CCND2: variants seen among roughly 807,000 people sequenced by gnomAD.
The protein encoded by CCND2 is G1/S-specific cyclin-D2.
A neutral mutation model predicts 30.2 loss-of-function variants in CCND2; 6 were observed. The ratio of observed to expected loss-of-function variants is 0.20; its 90% CI spans 0.11 to 0.39. The LOEUF (loss-of-function observed/expected upper bound fraction) is 0.39. CCND2 is among the 10% of genes least tolerant of loss of function. The probability of loss-of-function intolerance (pLI) is 1.00; values close to 1 mark genes in which losing one functional copy is unlikely to be tolerated. For missense variants in CCND2, 235 were observed against 373.4 expected (o/e 0.63, Z 3.06); for synonymous variants, 150 against 153.1 (o/e 0.98, Z 0.15).
intron 3 of CCND2, among the ~76,000 whole-genome samples, chr12:4,281,233 G>T (rs1863943568): frequency 1.3e-5 from 2 of 152,208 alleles, no homozygotes; most frequent in East Asian, 3.8e-4. Context: ...GGCCTGTATC[G>T]AAAGAAGTTG....
At chr12:4,291,583 C>T (rs1001922231) in intron 4 of CCND2, among the ~76,000 whole-genome samples, 8 of 152,008 alleles carry the variant, frequency 5.3e-5, no homozygotes, top group African/African-American at 1.7e-4. Context: ...AAATTAAGAA[C>T]GTAAACAAAG....
chr12:4,305,242 T>C lies in CCND2; in HGVS notation c.*5233T>C. 4.3e-6 allele frequency: 1 copy of C among 232,516 alleles called. No individual in the cohort carries two copies. The highest frequency in any genetic ancestry group is 6.1e-5 in the East Asian group (1 of 16,410). 14.4% of individuals were successfully genotyped at this position (232,516 alleles called of 1,614,324 possible). A position where few individuals can be genotyped will look rare whatever the true frequency, so the allele number is the denominator to read the frequency against. On this transcript the variant is annotated 3_prime_UTR_variant, in exon 5 of 5. Transcript: ENST00000261254. This position sits in a 1 kb window ranked among gnomAD's most constrained non-coding sequence, Gnocchi z 6.4. ...GAGGTCTTATCTGTTCAGTGTTAAG[T>C]GATTTAAAAAAATAATAACCTGTTT...
In CCND2 at chr12:4,289,107, C is replaced by T. The variant is rs574363573; in HGVS notation, c.720+117C>T. ...ATTTTTCTGGTTTGTTTCCTAAGAT[C>T]GACATCCAAGGGAGTGCAAAGTTCA... On this transcript the variant is annotated intron_variant, in intron 4 of 4. Coordinates refer to ENST00000261254, the MANE Select transcript of CCND2 (RefSeq NM_001759.4). 1.1e-4 allele frequency: 113 copies of T among 1,031,420 alleles called. No individual in the cohort carries two copies. In the South Asian group the frequency reaches 1.6e-3, roughly 14 times the overall value. The allele number at this position is 1,031,420 out of a possible 1,614,324, so 63.9% of individuals were successfully genotyped here.
chr12:4,300,601 C>T lies in CCND2; in HGVS notation c.*592C>T. The stretch of plus-strand genomic sequence containing the variant: ...AGTCAGGAGTGTAGTTGGATCTCTA[C>T]ATTAATGTCCTCTTGCTGTCTACAG... On this transcript the variant is annotated 3_prime_UTR_variant, in exon 5 of 5. Coordinates refer to ENST00000261254, the MANE Select transcript of CCND2 (RefSeq NM_001759.4). 4.3e-6 allele frequency: 1 copy of T among 233,906 alleles called. No homozygotes were observed. The highest frequency in any genetic ancestry group is 8.5e-6 in the Non-Finnish European group (1 of 118,180). The allele number at this position is 233,906 out of a possible 1,614,324, so 14.5% of individuals were successfully genotyped here.
Position 4,302,747 on chromosome 12 carries a change from C to T in CCND2, c.*2738C>T. Reference sequence around the variant, plus strand: ...GAAGGGAGGTGAAGAGGCTGCTTCTCTACAGAGGTGAAATTCCAGATGAGT... The same window carrying T: ...GAAGGGAGGTGAAGAGGCTGCTTCTTTACAGAGGTGAAATTCCAGATGAGT... On this transcript the variant is annotated 3_prime_UTR_variant, in exon 5 of 5. Transcript: ENST00000261254. 4.3e-6 allele frequency: 1 copy of T among 233,322 alleles called. No homozygotes were observed. The highest frequency in any genetic ancestry group is 8.5e-6 in the Non-Finnish European group (1 of 118,096). 14.5% of individuals were successfully genotyped at this position (233,322 alleles called of 1,614,324 possible).
intron 3 of CCND2, among the ~76,000 whole-genome samples, chr12:4,280,173 C>T (rs1212967776): frequency 6.6e-6 from 1 of 152,222 alleles, no homozygotes; most frequent in African/African-American, 2.4e-5. Context: ...AGGTGATGCA[C>T]GTGGACGTGC....
At position 4,273,820 on chromosome 12, in the gene CCND2, G is replaced by A. The variant is rs71583750; in HGVS notation, c.-221G>A. On this transcript the variant is annotated 5_prime_UTR_variant, in exon 1 of 5. Transcript: ENST00000261254. The surrounding 1 kb of genome is among the most constrained non-coding windows in gnomAD (Gnocchi z 5.9). ...CCAGTTTTAAGGGGAGGACCGGTGCGAGTGAGGCAGCCCCGAGGCTCTGCT... is the reference window on the plus strand; with the variant it reads ...CCAGTTTTAAGGGGAGGACCGGTGCAAGTGAGGCAGCCCCGAGGCTCTGCT... 1.3e-3 allele frequency: 789 copies of A among 593,580 alleles called. 1 individual carries two copies. Among genetic ancestry groups the A allele is most frequent in the Middle Eastern group, 2.2e-3 (5 of 2,224 alleles). 36.8% of individuals were successfully genotyped at this position (593,580 alleles called of 1,614,324 possible). A position where few individuals can be genotyped will look rare whatever the true frequency, so the allele number is the denominator to read the frequency against.
At position 4,301,100 on chromosome 12, in the gene CCND2, C is replaced by T. The variant is rs1038864543; in HGVS notation, c.*1091C>T. 3.9e-5 allele frequency: 9 copies of T among 233,530 alleles called. No individual in the cohort carries two copies. The highest frequency in any genetic ancestry group is 2.0e-4 in the African/African-American group (9 of 45,330). 14.5% of individuals were successfully genotyped at this position (233,530 alleles called of 1,614,324 possible). ...CCCCAGTCTGGGTTACTCTTCGCTT[C>T]TGGTATCTGGCGTTCTTTGGTACAC... On this transcript the variant is annotated 3_prime_UTR_variant, in exon 5 of 5. Transcript: ENST00000261254.
At position 4,293,470 on chromosome 12, in the gene CCND2, G is replaced by A. The variant is rs1018338804; in HGVS notation, c.720+4480G>A. Among the ~76,000 whole-genome samples the A allele has an allele frequency of 2.6e-5, 4 of 152,180 alleles. No homozygotes were observed. The highest frequency in any genetic ancestry group is 4.4e-5 in the Non-Finnish European group (3 of 68,036). On this transcript the variant is annotated intron_variant, in intron 4 of 4. Transcript: ENST00000261254. The surrounding 1 kb of genome is among the most constrained non-coding windows in gnomAD (Gnocchi z 4.9). Reference sequence around the variant, plus strand: ...GTGCGGTTTGTTACGTGGATATATCGTGTGATGCTGAGGTTTGGGCTTCAG... The same window carrying A: ...GTGCGGTTTGTTACGTGGATATATCATGTGATGCTGAGGTTTGGGCTTCAG...
In CCND2 at chr12:4,301,491, A is replaced by G. The variant is rs1455209990; in HGVS notation, c.*1482A>G. ...CAACAACTTTTTTTTTTTTTTTTGC[A>G]CAATTGTAATTGACAGGTAATGAAG... On this transcript the variant is annotated 3_prime_UTR_variant, in exon 5 of 5. Transcript: ENST00000261254. The G allele has an allele frequency of 3.1e-5, 7 of 224,414 alleles. No individual in the cohort carries two copies. The highest frequency in any genetic ancestry group is 6.0e-5 in the Non-Finnish European group (7 of 115,724). The allele number at this position is 224,414 out of a possible 1,614,324, so 13.9% of individuals were successfully genotyped here.
chr12:4,289,491 T>C (rs1864068867), intron 4 of CCND2, among the ~76,000 whole-genome samples: 1 of 152,108 alleles, frequency 6.6e-6, no homozygotes, highest in Admixed American at 6.5e-5. Context: ...CCCTCCCCGC[T>C]CTCTCTTCCC....
intron 4 of CCND2, chr12:4,297,733 T>G (rs1406342036): frequency 1.6e-5 from 5 of 303,964 alleles, no homozygotes; most frequent in Non-Finnish European, 7.1e-6. Context: ...GTGAGCCCCA[T>G]GTGATTTATC....
At chr12:4,275,187 C>T (rs1863850844) in intron 1 of CCND2, 1 of 152,168 alleles carries the variant, frequency 6.6e-6, no homozygotes, top group African/African-American at 2.4e-5. Context: ...CTCGTCACCG[C>T]GTTCCCTAGT....
intron 3 of CCND2, among the ~76,000 whole-genome samples, chr12:4,284,687 C>G (rs1863997271): frequency 6.6e-6 from 1 of 151,972 alleles, no homozygotes; most frequent in Admixed American, 6.6e-5. Context: ...TGAGAAGTGT[C>G]TCAAATGCTC....
rs572920487 is a variant in CCND2, at chr12:4,282,417, T to C, written c.571+3498T>C. Among the ~76,000 whole-genome samples the C allele has an allele frequency of 2.0e-5, 3 of 152,320 alleles. No homozygotes were observed. In the East Asian group the frequency reaches 5.8e-4, roughly 29 times the overall value. On this transcript the variant is annotated intron_variant, in intron 3 of 4. Coordinates refer to ENST00000261254, the MANE Select transcript of CCND2 (RefSeq NM_001759.4). The surrounding 1 kb of genome is among the most constrained non-coding windows in gnomAD (Gnocchi z 4.3). Reference sequence around the variant, plus strand: ...GTGCTGTCCTAGCCCCTTCCCTGGCTTTACCTACAGGTGTTCCCTCAGATT... The same window carrying C: ...GTGCTGTCCTAGCCCCTTCCCTGGCCTTACCTACAGGTGTTCCCTCAGATT...
Position 4,274,281 on chromosome 12 carries a change from T to C in CCND2, c.195+46T>C. ...CGCCAGGAGCCAGGACCCCTCCGGA[T>C]GCTCGGGTCCCCGGCCGGAGCCCTA... On this transcript the variant is annotated intron_variant, in intron 1 of 4. Transcript: ENST00000261254. This position sits in a 1 kb window ranked among gnomAD's most constrained non-coding sequence, Gnocchi z 7.7. The C allele has an allele frequency of 6.3e-7, 1 of 1,591,826 alleles. No homozygotes were observed. The highest frequency in any genetic ancestry group is 8.6e-7 in the Non-Finnish European group (1 of 1,163,724).
chr12:4,280,375 C>T (rs1355898131), intron 3 of CCND2, among the ~76,000 whole-genome samples: 1 of 152,268 alleles, frequency 6.6e-6, no homozygotes, highest in Non-Finnish European at 1.5e-5. Flanking sequence ...CTCCCGGCCC[C>T]CTGCCTGTTC....
rs1565438616 is a variant in CCND2, at chr12:4,299,047, A to G, written c.721-813A>G. On this transcript the variant is annotated intron_variant, in intron 4 of 4. Coordinates refer to ENST00000261254, the MANE Select transcript of CCND2 (RefSeq NM_001759.4). This position sits in a 1 kb window ranked among gnomAD's most constrained non-coding sequence, Gnocchi z 5.2. Reference sequence around the variant, plus strand: ...GTTAAGGAAATGGTAAAGAAGCAGAAAAAGTTGGGGATTTTTTTTTTTAAG... The same window carrying G: ...GTTAAGGAAATGGTAAAGAAGCAGAGAAAGTTGGGGATTTTTTTTTTTAAG... Among the ~76,000 whole-genome samples, 4 of 150,002 alleles carry G rather than the reference A, an allele frequency of 2.7e-5. No individual in the cohort carries two copies. Among genetic ancestry groups the G allele is most frequent in the Admixed American group, 2.0e-4 (3 of 15,064 alleles).
At chr12:4,286,699 G>T (rs3217843) in intron 3 of CCND2, among the ~76,000 whole-genome samples, 17,790 of 152,284 alleles carry the variant, frequency 0.12, 1,217 homozygotes, top group East Asian at 0.16. Context: ...AAAAAGGGAG[G>T]TAGAGTCTCC....
Sources: gnomAD v4.1 joint callset for allele counts (sites outside exome capture counted in the v4.1 genomes callset) on GRCh38, gnomAD v4.1.1 for gene constraint, Gnocchi (gnomAD v3.1) non-coding constraint, MANE v1.5 for transcripts, NCBI Gene and HGNC (gene_info 2026-07-23, HGNC 2026-07-21) for gene names.